Variants in SERHL2 observed in about 807,000 individuals in gnomAD.
The protein encoded by SERHL2 is serine hydrolase like 2, also known as serine hydrolase-like protein 2.
SERHL2 carries 29 observed loss-of-function variants against 25.5 expected under a neutral mutation model. That is an observed-to-expected ratio of 1.14 (90% CI 0.85 to 1.55). The LOEUF (loss-of-function observed/expected upper bound fraction) is 1.55, where lower values mean the gene tolerates loss of function less well. SERHL2 is among the 40% of genes most tolerant of loss of function. The pLI is 0.00. For missense variants in SERHL2, 240 were observed against 252.3 expected, an observed-to-expected ratio of 0.95 and a Z score of 0.33; for synonymous variants, 95 against 103.5, an observed-to-expected ratio of 0.92 and a Z score of 0.50.
chr22:42,554,221 G>C (rs1291627343), intron 1 of SERHL2, among the ~76,000 whole-genome samples, 179 bp downstream of exon 1: 1 of 152,180 alleles, frequency 6.6e-6, no homozygotes, highest in Non-Finnish European at 1.5e-5. Context: ...GGGGACCCGG[G>C]ACACGGCCGC....
intron 11 of SERHL2, chr22:42,572,793 TA>T (rs1467417130): frequency 2.3e-6 from 2 of 853,416 alleles, no homozygotes; most frequent in Non-Finnish European, 2.8e-6. Context: ...GCCTCCTGAG[TA>T]GCTGGGATTA....
chr22:42,560,185 G>C lies in SERHL2; in HGVS notation c.534-1G>C, dbSNP rs1029944957. ...CCCAGCATCCTTCTGTCTCCCCCCA[G>C]GTTACTGAAGAGCAATAGCCACTTG... On this transcript the variant is annotated splice_acceptor_variant, in intron 7 of 11. Transcript: ENST00000327678. LOFTEE classifies it high-confidence loss of function. The C allele has an allele frequency of 1.2e-6, 2 of 1,610,898 alleles. No individual in the cohort carries two copies. Among genetic ancestry groups the C allele is most frequent in the East Asian group, 2.2e-5 (1 of 44,880 alleles).
intron 8 of SERHL2, among the ~76,000 whole-genome samples, chr22:42,565,892 C>T (rs554675560): frequency 5.9e-5 from 9 of 151,982 alleles, no homozygotes; most frequent in Non-Finnish European, 8.8e-5. Flanking sequence ...CTTGCTCTGT[C>T]GCCTAGGCTG....
At chr22:42,566,915 A>T (rs1923468941) in intron 9 of SERHL2, among the ~76,000 whole-genome samples, 1 of 152,182 alleles carries the variant, frequency 6.6e-6, no homozygotes, top group Non-Finnish European at 1.5e-5. Context: ...CAAGGTGCTT[A>T]CCCTCTCTGA....
At chr22:42,560,393 C>A in intron 8 of SERHL2, 128 bp downstream of exon 8, 1 of 689,086 alleles carries the variant, frequency 1.5e-6, no homozygotes, top group Admixed American at 2.2e-5. Flanking sequence ...AATCCCCCTC[C>A]TGCCTCACCC....
intron 8 of SERHL2, chr22:42,564,898 A>AAG (rs1047788702): frequency 1.3e-5 from 2 of 152,074 alleles, no homozygotes; most frequent in Non-Finnish European, 2.9e-5. Flanking sequence ...CCTGGGCTCA[A>AAG]AGAACCCTTC....
intron 8 of SERHL2, among the ~76,000 whole-genome samples, chr22:42,560,998 G>T (rs983330704): frequency 6.6e-6 from 1 of 151,876 alleles, no homozygotes; most frequent in Non-Finnish European, 1.5e-5. Context: ...CAGACCTCCC[G>T]CACCACAACT....
intron 9 of SERHL2, among the ~76,000 whole-genome samples, chr22:42,567,458 AT>A (rs1487667689): frequency 6.6e-6 from 1 of 151,568 alleles, no homozygotes; most frequent in Non-Finnish European, 1.5e-5. Context: ...AGGTCAGGAG[AT>A]CGAGACCATC....
At chr22:42,565,857 TTTG>T (rs1923306825) in intron 8 of SERHL2, among the ~76,000 whole-genome samples, 1 of 151,696 alleles carries the variant, frequency 6.6e-6, no homozygotes, top group Non-Finnish European at 1.5e-5. Flanking sequence ...TTTAGTGGTT[TTTG>T]TTTGATTTTT....
Position 42,555,006 on chromosome 22 carries a change from C to CAGGCAGAGAACTGG in SERHL2, c.94_95insCAGAGAACTGGAGG (p.Gly32AlafsTer61). ...CGCAGCCAAAGCCTGGGGCTCCCTG[C>CAGGCAGAGAACTGG]AGGGCCCTCCAGTTCTCTGCCTGCA... On this transcript the variant is annotated frameshift_variant, in exon 2 of 12. Transcript: ENST00000327678. LOFTEE classifies it high-confidence loss of function. 2.2e-6 allele frequency: 2 copies of CAGGCAGAGAACTGG among 905,336 alleles called. No homozygotes were observed. The highest frequency in any genetic ancestry group is 3.5e-6 in the Non-Finnish European group (2 of 567,412). The allele number at this position is 905,336 out of a possible 1,614,324, so 56.1% of individuals were successfully genotyped here. A position where few individuals can be genotyped will look rare whatever the true frequency, so the allele number is the denominator to read the frequency against.
At chr22:42,567,677 A>AT (rs1210968150) in intron 9 of SERHL2, among the ~76,000 whole-genome samples, 65 of 146,266 alleles carry the variant, frequency 4.4e-4, no homozygotes, top group African/African-American at 1.6e-3. Context: ...TGTCAAAAAA[A>AT]AAATAAATAA....
Position 42,554,043 on chromosome 22 carries a change from G to A in SERHL2, c.22+1G>A. Reference sequence around the variant, plus strand: ...GCGATGAGTGAGAACGCCGCACCAGGTCTGACGGGGAGGCCTTGTGCGAGC... The same window carrying A: ...GCGATGAGTGAGAACGCCGCACCAGATCTGACGGGGAGGCCTTGTGCGAGC... On this transcript the variant is annotated splice_donor_variant, in intron 1 of 11. Coordinates refer to ENST00000327678, the MANE Select transcript of SERHL2 (RefSeq NM_014509.5). LOFTEE classifies it high-confidence loss of function. 1 of 1,613,582 alleles carries A rather than the reference G, an allele frequency of 6.2e-7. No individual in the cohort carries two copies. Among genetic ancestry groups the A allele is most frequent in the Non-Finnish European group, 8.5e-7 (1 of 1,179,758 alleles).
Position 42,559,229 on chromosome 22 carries a change from TAA to T in SERHL2, c.533+798_533+799del, listed in dbSNP as rs1194822216. On this transcript the variant is annotated intron_variant, in intron 7 of 11. Coordinates refer to ENST00000327678, the MANE Select transcript of SERHL2 (RefSeq NM_014509.5). ...GAGCGAGATAGCGAGACCCTGTATT[TAA>T]AAAAAAAAAAAAAAAAAAAAAAAAA... Among the ~76,000 whole-genome samples the T allele has an allele frequency of 8.5e-3, 592 of 69,302 alleles. 15 individuals carry two copies. The highest frequency in any genetic ancestry group is 0.043 in the African/African-American group (471 of 10,980). 45.5% of individuals were successfully genotyped at this position (69,302 alleles called of 152,430 possible).
At chr22:42,567,476 A>C (rs1391233998) in intron 9 of SERHL2, among the ~76,000 whole-genome samples, 2 of 150,576 alleles carry the variant, frequency 1.3e-5, no homozygotes, top group East Asian at 3.9e-4. Flanking sequence ...CATCCTGGCT[A>C]ACAAGGTGAA....
intron 10 of SERHL2, chr22:42,571,931 T>TGCG (rs1230929234): frequency 0.029 from 1,713 of 58,368 alleles, 2 homozygotes; most frequent in Non-Finnish European, 0.048. Flanking sequence ...GGAAGCCTGT[T>TGCG]GGGGGCGGGG....
chr22:42,571,074 G>A lies in SERHL2; in HGVS notation c.649-47G>A, dbSNP rs757816334. The A allele has an allele frequency of 7.5e-5, 121 of 1,612,358 alleles. 1 individual carries two copies. Among genetic ancestry groups the A allele is most frequent in the South Asian group, 1.2e-4 (11 of 91,000 alleles). On this transcript the variant is annotated intron_variant, in intron 9 of 11. Transcript: ENST00000327678. ...AGAGATGGGTTTCGTGCCCACGAGA[G>A]TGCCTGTGCCTTGTGACGAGAATTC...
chr22:42,571,377 G>T, intron 10 of SERHL2, 174 bp downstream of exon 10: 1 of 1,435,812 alleles, frequency 7.0e-7, no homozygotes, highest in Non-Finnish European at 9.1e-7. Context: ...AAGGAGGAAG[G>T]TCAGAGGAGG....
At chr22:42,573,781 G>A (rs1359151386) in intron 11 of SERHL2, 155 bp from the exon 12 acceptor site, 6 of 759,484 alleles carry the variant, frequency 7.9e-6, no homozygotes, top group Admixed American at 2.3e-5. Context: ...GACTGTCGGG[G>A]CTCCAAGGAG....
intron 9 of SERHL2, among the ~76,000 whole-genome samples, chr22:42,566,755 T>A (rs1923448319): frequency 6.6e-6 from 1 of 152,046 alleles, no homozygotes; most frequent in African/African-American, 2.4e-5. Flanking sequence ...GGGGGATTCC[T>A]GATAGAGGCT....
Sources: allele counts gnomAD v4.1 joint callset (sites outside exome capture counted in the v4.1 genomes callset), GRCh38; gene constraint gnomAD v4.1.1; transcripts MANE v1.5; gene names NCBI Gene and HGNC (gene_info 2026-07-23, HGNC 2026-07-21).